PCBP3: variants seen among roughly 807,000 people sequenced by gnomAD.
PCBP3 encodes poly(rC) binding protein 3.
PCBP3 carries 25 observed loss-of-function variants against 52.7 expected under a neutral mutation model. The observed-to-expected ratio is 0.47, with a 90% CI of 0.35 to 0.66. PCBP3 has a LOEUF of 0.66. Among genes scored for constraint, PCBP3 ranks in the 30% least tolerant of loss-of-function variants. The pLI, the probability that PCBP3 is intolerant of heterozygous loss-of-function variation, is 0.01. For missense variants in PCBP3, 391 were observed against 490.3 expected (o/e 0.80, Z 1.91); for synonymous variants, 162 against 183.0 (o/e 0.89, Z 0.93).
intron 4 of PCBP3, among the ~76,000 whole-genome samples, chr21:45,770,174 C>T (rs968957861): frequency 2.6e-5 from 4 of 152,170 alleles, no homozygotes; most frequent in African/African-American, 7.2e-5. Context: ...GGGGCGCCTC[C>T]TCTCCCCTGA....
chr21:45,672,083 A>T (rs1018324739), intron 2 of PCBP3, among the ~76,000 whole-genome samples: 4 of 152,162 alleles, frequency 2.6e-5, no homozygotes, highest in African/African-American at 9.7e-5. Context: ...TAATCTATTC[A>T]TGGGTTAATG....
intron 5 of PCBP3, among the ~76,000 whole-genome samples, chr21:45,877,715 G>A (rs1018910998): frequency 1.3e-5 from 2 of 152,272 alleles, no homozygotes; most frequent in Non-Finnish European, 1.5e-5. Context: ...CTGAGGCGGA[G>A]GAATTGCTTG....
intron 4 of PCBP3, among the ~76,000 whole-genome samples, chr21:45,757,278 G>A (rs2088149500): frequency 6.6e-6 from 1 of 152,182 alleles, no homozygotes; most frequent in Non-Finnish European, 1.5e-5. Context: ...CAAGTCACTA[G>A]TGATGTGGAA....
intron 4 of PCBP3, among the ~76,000 whole-genome samples, chr21:45,833,909 T>C (rs551242612): frequency 3.3e-5 from 5 of 151,150 alleles, no homozygotes; most frequent in African/African-American, 1.2e-4. Context: ...ATATGAAATC[T>C]TCTGTTTTTT....
At chr21:45,914,210 C>G (rs2096460905) in intron 12 of PCBP3, 185 bp downstream of exon 12, 1 of 932,728 alleles carries the variant, frequency 1.1e-6, no homozygotes, top group East Asian at 2.9e-5. Flanking sequence ...TTCAGAGCGG[C>G]ATTCCCCCAC....
At chr21:45,734,813 C>T (rs945987841) in intron 2 of PCBP3, among the ~76,000 whole-genome samples, 7 of 152,254 alleles carry the variant, frequency 4.6e-5, no homozygotes, top group Non-Finnish European at 7.3e-5. Context: ...CAGTCTCACT[C>T]TTTCTCTGTC....
At chr21:45,678,520 A>G (rs2081613134) in intron 2 of PCBP3, among the ~76,000 whole-genome samples, 2 of 152,016 alleles carry the variant, frequency 1.3e-5, no homozygotes, top group Non-Finnish European at 1.5e-5. Flanking sequence ...TCCAACCCTC[A>G]TGGATGCCTT....
chr21:45,907,080 C>T (rs1006839372), intron 9 of PCBP3, among the ~76,000 whole-genome samples: 2 of 152,372 alleles, frequency 1.3e-5, no homozygotes, highest in African/African-American at 4.8e-5. Flanking sequence ...GTTCCTTCCT[C>T]GGGCTCCCTC....
At chr21:45,671,598 T>C (rs536171631) in intron 2 of PCBP3, among the ~76,000 whole-genome samples, 118 of 152,244 alleles carry the variant, frequency 7.8e-4, no homozygotes, top group African/African-American at 2.7e-3. Flanking sequence ...CTGGGAACCA[T>C]GGGGTGTTGT....
chr21:45,750,244 C>G (rs1183032827), intron 3 of PCBP3: 1 of 152,326 alleles, frequency 6.6e-6, no homozygotes, highest in Non-Finnish European at 1.5e-5. Flanking sequence ...CTGCAAGAAG[C>G]CCCTGGAAGA....
Position 45,917,367 on chromosome 21 carries a change from GC to G in PCBP3, c.676-219del. On this transcript the variant is annotated intron_variant, in intron 12 of 17. Coordinates refer to ENST00000681687, the MANE Select transcript of PCBP3 (RefSeq NM_001384156.1). The surrounding 1 kb of genome is among the most constrained non-coding windows in gnomAD (Gnocchi z 5.3). Reference sequence around the variant, plus strand: ...TGTTTCCCTCCCACCCGCTGAACTGGCCAGCTCAGCTCTGCCCGCCCAGAGG... The same window carrying G: ...TGTTTCCCTCCCACCCGCTGAACTGGCAGCTCAGCTCTGCCCGCCCAGAGG... 1 of 464,950 alleles carries G rather than the reference GC, an allele frequency of 2.2e-6. No homozygotes were observed. The highest frequency in any genetic ancestry group is 6.5e-4 in the Middle Eastern group (1 of 1,532). 28.8% of individuals were successfully genotyped at this position (464,950 alleles called of 1,614,324 possible). A position where few individuals can be genotyped will look rare whatever the true frequency, so the allele number is the denominator to read the frequency against.
intron 4 of PCBP3, among the ~76,000 whole-genome samples, chr21:45,778,772 G>A (rs1174365608): frequency 1.3e-5 from 2 of 152,184 alleles, no homozygotes; most frequent in Admixed American, 6.5e-5. Flanking sequence ...GGCTGGGTGG[G>A]CTTGTGTTCA....
At chr21:45,808,504 A>G (rs2092583309) in intron 4 of PCBP3, among the ~76,000 whole-genome samples, 3 of 152,250 alleles carry the variant, frequency 2.0e-5, no homozygotes, top group African/African-American at 7.2e-5. Context: ...ATCTCACATC[A>G]GTTAGAATGG....
intron 4 of PCBP3, among the ~76,000 whole-genome samples, chr21:45,841,991 G>A (rs971175548): frequency 4.6e-5 from 7 of 152,160 alleles, no homozygotes; most frequent in African/African-American, 1.7e-4. Context: ...AGTATGTGCT[G>A]GGGCTCACCT....
chr21:45,793,177 G>A (rs1188237804), intron 4 of PCBP3, among the ~76,000 whole-genome samples: 3 of 152,144 alleles, frequency 2.0e-5, no homozygotes, highest in African/African-American at 7.2e-5. Context: ...TCAGACACAC[G>A]GCTCCTTCAA....
rs180747237 is a variant in PCBP3 at position 45,910,078 on chromosome 21, C to A, written c.471+592C>A. 8.3e-3 allele frequency among the ~76,000 whole-genome samples: 9 copies of A among 1,084 alleles called. 2 individuals are homozygous for A. The highest frequency in any genetic ancestry group is 0.014 in the Non-Finnish European group (6 of 444). The allele number at this position is 1,084 out of a possible 152,430, so 0.7% of individuals were successfully genotyped here. A position where few individuals can be genotyped will look rare whatever the true frequency, so the allele number is the denominator to read the frequency against. On this transcript the variant is annotated intron_variant, in intron 10 of 17. Transcript: ENST00000681687. The stretch of plus-strand genomic sequence containing the variant: ...CCACTGCCCAGATACGGACCCCCCC[C>A]ACCACTGCCCAGATACGGACCCCCC...
intron 4 of PCBP3, among the ~76,000 whole-genome samples, chr21:45,825,948 G>GA (rs1326621532): frequency 2.0e-5 from 3 of 152,132 alleles, no homozygotes; most frequent in South Asian, 2.1e-4. Context: ...ACCTATGAAA[G>GA]AAAAAAATAT....
At chr21:45,756,764 C>T (rs975761917) in intron 4 of PCBP3, among the ~76,000 whole-genome samples, 2 of 152,116 alleles carry the variant, frequency 1.3e-5, no homozygotes, top group Non-Finnish European at 2.9e-5. Context: ...CAACATGTGG[C>T]TTTTGGTGTC....
chr21:45,739,004 C>T (rs113705985), intron 3 of PCBP3, among the ~76,000 whole-genome samples: 8 of 102,106 alleles, frequency 7.8e-5, no homozygotes, highest in East Asian at 7.6e-4. Flanking sequence ...TTCCTGTCCA[C>T]GGTCCTCTGG....
Sources: allele counts gnomAD v4.1 joint callset (sites outside exome capture counted in the v4.1 genomes callset), GRCh38; gene constraint gnomAD v4.1.1; non-coding constraint Gnocchi (gnomAD v3.1); transcripts MANE v1.5; gene names NCBI Gene and HGNC (gene_info 2026-07-23, HGNC 2026-07-21).